Variants in PTGER3 observed in about 807,000 individuals in gnomAD.
PTGER3 encodes prostaglandin E receptor 3.
A neutral mutation model predicts 34.7 loss-of-function variants in PTGER3; 22 were observed. The ratio of observed to expected loss-of-function variants is 0.63; its 90% confidence interval spans 0.45 to 0.91. The LOEUF (loss-of-function observed/expected upper bound fraction) is 0.91, where lower values mean the gene tolerates loss of function less well. Among genes scored for constraint, PTGER3 ranks in the 40% least tolerant of loss-of-function variants. PTGER3 has a pLI of 0.00. For synonymous variants in PTGER3, 241 were observed against 230.1 expected, an observed-to-expected ratio of 1.05 and a Z score of -0.43; for missense variants, 468 against 519.4, an observed-to-expected ratio of 0.90 and a Z score of 0.96.
intron 1 of PTGER3, among the ~76,000 whole-genome samples, chr1:71,039,775 T>C (rs1214047829): frequency 4.0e-5 from 6 of 151,864 alleles, no homozygotes; most frequent in Admixed American, 3.3e-4. Context: ...CTATAACTAA[T>C]CAAGCTGTGA....
intron 2 of PTGER3, among the ~76,000 whole-genome samples, chr1:70,963,275 C>A (rs1277778355): frequency 6.6e-6 from 1 of 152,158 alleles, no homozygotes; most frequent in Non-Finnish European, 1.5e-5. Context: ...GCACACCGCA[C>A]AAGCCTTTGG....
intron 2 of PTGER3, among the ~76,000 whole-genome samples, chr1:70,992,593 T>C (rs1655576506): frequency 6.6e-6 from 1 of 152,188 alleles, no homozygotes; most frequent in African/African-American, 2.4e-5. Context: ...ACCAATTGTG[T>C]AGACACACCT....
At chr1:70,968,964 TG>T (rs1200041379), downstream of PTGER3, among the ~76,000 whole-genome samples, 2 of 152,034 alleles carry the variant, frequency 1.3e-5, no homozygotes, top group Non-Finnish European at 2.9e-5. Flanking sequence ...CCCAGCACTT[TG>T]GGGGGTTGAG....
chr1:70,862,966 G>A (rs867069691), intron 4 of PTGER3, among the ~76,000 whole-genome samples: 1 of 152,090 alleles, frequency 6.6e-6, no homozygotes, highest in South Asian at 2.1e-4. Context: ...TGAGCTCCAG[G>A]CAAGGCAGGA....
At chr1:71,025,860 G>A (rs1658882947) in intron 1 of PTGER3, among the ~76,000 whole-genome samples, 1 of 152,204 alleles carries the variant, frequency 6.6e-6, no homozygotes, top group Non-Finnish European at 1.5e-5. Flanking sequence ...GAAAGGTTGA[G>A]GCATTGAAGG....
At chr1:70,942,977 G>T (rs1463274210) in intron 4 of PTGER3, among the ~76,000 whole-genome samples, 1 of 152,182 alleles carries the variant, frequency 6.6e-6, no homozygotes, top group Non-Finnish European at 1.5e-5. Context: ...CACCCAGTCT[G>T]TGGGTATTTT....
rs115304201 is a variant in PTGER3 at position 71,047,454 on chromosome 1, C to T, written c.124G>A (p.Gly42Arg). 344 of 1,610,550 alleles carry T rather than the reference C, an allele frequency of 2.1e-4. 1 individual carries two copies. In the African/African-American group the frequency reaches 4.3e-3, roughly 20 times the overall value. ...EARGNLTRPP[G>R]SGEDCGSVSV... ...ACCGATCCGCAATCCTCGCCAGACC[C>T]TGGAGGGCGCGTGAGGTTGCCCCGC... The change falls in exon 1 of 4, where the codon GGG becomes AGG. Residue 42 changes from glycine (G) to arginine (R), a missense_variant. This residue lies in a region of PTGER3 where 151 missense variants were observed against 133.5 expected (regional missense o/e 1.13). Coordinates refer to ENST00000306666, the MANE Select transcript of PTGER3 (RefSeq NM_198719.2).
chr1:71,014,957 C>A (rs960128096), intron 1 of PTGER3, among the ~76,000 whole-genome samples: 1 of 152,164 alleles, frequency 6.6e-6, no homozygotes, highest in Non-Finnish European at 1.5e-5. Flanking sequence ...GTATTCAAAG[C>A]CCTCTACAGT....
intron 4 of PTGER3, among the ~76,000 whole-genome samples, chr1:70,917,636 G>A (rs549939277): frequency 6.6e-6 from 1 of 151,874 alleles, no homozygotes; most frequent in South Asian, 2.1e-4. Context: ...CCCCCAAATT[G>A]TTTTCCATAA....
intron 3 of PTGER3, among the ~76,000 whole-genome samples, chr1:70,972,790 A>G (rs1012447385): frequency 1.3e-5 from 2 of 152,118 alleles, no homozygotes; most frequent in Non-Finnish European, 2.9e-5. Context: ...TAATATTAAC[A>G]TAAGTATGTA....
Position 70,974,340 on chromosome 1 carries a change from A to T in PTGER3, c.1126T>A (p.Cys376Ser). ...NYASSSTSLP[C>S]QCSSTLMWSD... is the part of the protein sequence containing the mutation. ...CACATCAAGGTTGAGGAACACTGGC[A>T]GGGTAAGGAGGTGGAGCTGGATGCA... The change falls in exon 3 of 4, where the codon TGC becomes AGC. Residue 376 changes from cysteine to serine, a missense_variant. Transcript: ENST00000306666. 1 of 1,439,142 alleles carries T rather than the reference A, an allele frequency of 6.9e-7. No homozygotes were observed. The highest frequency in any genetic ancestry group is 9.8e-7 in the Non-Finnish European group (1 of 1,020,766). 89.1% of individuals were successfully genotyped at this position (1,439,142 alleles called of 1,614,324 possible). A position where few individuals can be genotyped will look rare whatever the true frequency, so the allele number is the denominator to read the frequency against.
chr1:71,001,074 A>G (rs1273404513), intron 2 of PTGER3, among the ~76,000 whole-genome samples: 3 of 152,172 alleles, frequency 2.0e-5, no homozygotes, highest in African/African-American at 7.2e-5. Flanking sequence ...AGCCACTGGA[A>G]AGCAGGTGGT....
intron 2 of PTGER3, among the ~76,000 whole-genome samples, chr1:70,975,927 A>C (rs1197853574): frequency 6.6e-6 from 1 of 152,078 alleles, no homozygotes; most frequent in East Asian, 1.9e-4. Flanking sequence ...GGTTAGGATA[A>C]GTTCTTACCT....
At chr1:70,940,943 T>A (rs1649702258) in intron 4 of PTGER3, among the ~76,000 whole-genome samples, 1 of 152,174 alleles carries the variant, frequency 6.6e-6, no homozygotes, top group African/African-American at 2.4e-5. Context: ...CTTGAGCCTA[T>A]CCTACAAAAT....
chr1:71,024,136 T>C (rs1214811102), intron 1 of PTGER3, among the ~76,000 whole-genome samples: 1 of 152,168 alleles, frequency 6.6e-6, no homozygotes, highest in Non-Finnish European at 1.5e-5. Context: ...CACCATTTTT[T>C]ACCCTCATGC....
At chr1:70,859,914 T>C (rs1645890534) in intron 4 of PTGER3, among the ~76,000 whole-genome samples, 2 of 152,182 alleles carry the variant, frequency 1.3e-5, no homozygotes, top group Non-Finnish European at 2.9e-5. Context: ...TTTGGTTATG[T>C]GTTTTTGAGG....
intron 1 of PTGER3, among the ~76,000 whole-genome samples, chr1:71,018,735 T>A (rs1658139994): frequency 6.6e-6 from 1 of 152,168 alleles, no homozygotes; most frequent in African/African-American, 2.4e-5. Context: ...TTTTACACAG[T>A]CCTCCTTGAT....
rs147179554 is a variant in PTGER3 at position 70,862,881 on chromosome 1, G to T, written c.*24-10022C>A. Among the ~76,000 whole-genome samples the T allele has an allele frequency of 2.4e-3, 360 of 152,242 alleles. 2 individuals carry two copies. The highest frequency in any genetic ancestry group is 3.7e-3 in the Non-Finnish European group (250 of 68,014). ...ACAGCGGATAACTGAATGGTTCTTAGCAGGAGGATGGCACAATAGATCTTT... is the reference window on the plus strand; with the variant it reads ...ACAGCGGATAACTGAATGGTTCTTATCAGGAGGATGGCACAATAGATCTTT... On this transcript the variant is annotated intron_variant, in intron 4 of 4. Transcript: ENST00000370931.
At chr1:70,891,946 A>G (rs1481222512) in intron 4 of PTGER3, among the ~76,000 whole-genome samples, 1 of 152,234 alleles carries the variant, frequency 6.6e-6, no homozygotes. Context: ...TAGTAATGTT[A>G]TACGGAAACA....
Sources: allele counts gnomAD v4.1 joint callset (sites outside exome capture counted in the v4.1 genomes callset), GRCh38; gene constraint gnomAD v4.1.1; regional missense constraint gnomAD v4.1.1; transcripts MANE v1.5; gene names NCBI Gene and HGNC (gene_info 2026-07-23, HGNC 2026-07-21).